The following KIAA1217 variants were observed in gnomAD, a reference collection of about 807,000 sequenced individuals.
KIAA1217 encodes the protein sickle tail protein homolog.
In KIAA1217, 88 loss-of-function variants were observed where a neutral mutation model predicts 163.9. The observed-to-expected ratio is 0.54, with a 90% CI of 0.45 to 0.64. KIAA1217 has a LOEUF of 0.64. KIAA1217 is among the 30% of genes least tolerant of loss of function. KIAA1217 has a pLI of 0.00. For synonymous variants in KIAA1217, 903 were observed against 923.1 expected (o/e 0.98, Z 0.39); for missense variants, 2,372 against 2,475.0 (o/e 0.96, Z 0.88).
In KIAA1217 at chr10:23,764,653, A is replaced by T. The variant is rs567681369; in HGVS notation, c.-321+69419A>T. On this transcript the variant is annotated intron_variant, in intron 1 of 18. Coordinates refer to the KIAA1217 transcript ENST00000376462. ...GATCATGTCCTTTGCAGGGACATGG[A>T]TGAAGCTGGAAGCCATCATCCTCAG... Among the ~76,000 whole-genome samples, 22 of 152,342 alleles carry T rather than the reference A, an allele frequency of 1.4e-4. No homozygotes were observed. In the East Asian group the frequency reaches 4.1e-3, roughly 28 times the overall value.
chr10:24,216,690 G>A (rs377256153), intron 1 of KIAA1217, among the ~76,000 whole-genome samples: 122 of 151,694 alleles, frequency 8.0e-4, no homozygotes, highest in African/African-American at 2.9e-3. Flanking sequence ...AGCCGGGCAT[G>A]GTTGCGCACG....
rs1274131052 is a variant in KIAA1217, at chr10:24,533,338, A to G, written c.3414+101A>G. ...GTTAGCGAGAAGGCCAGGGAAGCGC[A>G]TGGACCGGGACCATAGAAGCTGTGT... On this transcript the variant is annotated intron_variant, in intron 16 of 20. Coordinates refer to ENST00000376454, the MANE Select transcript of KIAA1217 (RefSeq NM_019590.5). 5.1e-6 allele frequency: 6 copies of G among 1,184,582 alleles called. No individual in the cohort carries two copies. In the African/African-American group the frequency reaches 7.7e-5, roughly 15 times the overall value. The allele number at this position is 1,184,582 out of a possible 1,614,324, so 73.4% of individuals were successfully genotyped here. A position where few individuals can be genotyped will look rare whatever the true frequency, so the allele number is the denominator to read the frequency against.
intron 2 of KIAA1217, among the ~76,000 whole-genome samples, chr10:24,369,012 G>A (rs1295545680): frequency 6.6e-6 from 1 of 152,190 alleles, no homozygotes; most frequent in Non-Finnish European, 1.5e-5. Context: ...TGAGTTCATG[G>A]CAGGATTGGA....
intron 2 of KIAA1217, among the ~76,000 whole-genome samples, chr10:24,115,465 C>G (rs150866648): frequency 1.6e-3 from 242 of 152,278 alleles, no homozygotes; most frequent in African/African-American, 5.7e-3. Flanking sequence ...TGTGGGCTGG[C>G]ATTGGGGTAA....
chr10:23,738,077 C>T (rs1483133995), intron 1 of KIAA1217, among the ~76,000 whole-genome samples: 2 of 151,982 alleles, frequency 1.3e-5, no homozygotes, highest in Non-Finnish European at 2.9e-5. Context: ...ACGCATAATA[C>T]TCTGCCTTGT....
intron 2 of KIAA1217, among the ~76,000 whole-genome samples, chr10:24,325,750 G>A (rs1590980037): frequency 6.6e-6 from 1 of 152,170 alleles, no homozygotes; most frequent in African/African-American, 2.4e-5. Flanking sequence ...GGCTTTGCAT[G>A]TGGATCTGTC....
intron 1 of KIAA1217, among the ~76,000 whole-genome samples, chr10:23,789,859 G>A (rs1337347262): frequency 6.7e-6 from 1 of 149,986 alleles, no homozygotes; most frequent in Non-Finnish European, 1.5e-5. Context: ...TTCATTTGGT[G>A]AAAATAGTTC....
At chr10:23,810,242 C>A (rs1393145827) in intron 1 of KIAA1217, among the ~76,000 whole-genome samples, 1 of 150,498 alleles carries the variant, frequency 6.6e-6, no homozygotes, top group Non-Finnish European at 1.5e-5. Flanking sequence ...ACCTACCTAC[C>A]TACCCTCTTT....
At chr10:24,335,439 G>A (rs940607929) in intron 2 of KIAA1217, among the ~76,000 whole-genome samples, 1 of 151,698 alleles carries the variant, frequency 6.6e-6, no homozygotes, top group African/African-American at 2.4e-5. Flanking sequence ...ATTACAGGCA[G>A]GTACCACCAC....
chr10:24,246,766 C>T (rs1412849490), intron 2 of KIAA1217, among the ~76,000 whole-genome samples: 1 of 152,080 alleles, frequency 6.6e-6, no homozygotes. Flanking sequence ...GTCTGTAATC[C>T]CATCTTGGAA....
intron 1 of KIAA1217, among the ~76,000 whole-genome samples, chr10:24,006,939 C>T (rs945375349): frequency 1.3e-5 from 2 of 152,176 alleles, no homozygotes; most frequent in African/African-American, 4.8e-5. Context: ...CCTAAGCCAA[C>T]TCTTATTTTC....
intron 1 of KIAA1217, among the ~76,000 whole-genome samples, chr10:23,913,424 A>C (rs1235188029): frequency 6.6e-6 from 1 of 152,200 alleles, no homozygotes; most frequent in African/African-American, 2.4e-5. Flanking sequence ...CCAAAAAAAA[A>C]AAAGTAAAAG....
rs1161347531 is a variant in KIAA1217, at chr10:24,524,421, A to G, written c.2555A>G (p.Gln852Arg). The change falls in exon 13 of 21, where the codon CAG becomes CGG. Residue 852 changes from glutamine to arginine, a missense_variant. Gln to Arg is a conservative substitution (Grantham distance 43). Coordinates refer to ENST00000376454, the MANE Select transcript of KIAA1217 (RefSeq NM_019590.5). ...KATAAEVLKS[Q>R]EEAAHTSGQP... ...ACAGCCGCAGAAGTCCTGAAGAGTC[A>G]GGAGGAGGCAGCCCACACCTCCGGC... 2 of 1,614,220 alleles carry G rather than the reference A, an allele frequency of 1.2e-6. No homozygotes were observed. Among genetic ancestry groups the G allele is most frequent in the Non-Finnish European group, 1.7e-6 (2 of 1,180,036 alleles).
chr10:24,392,611 G>A (rs2055132989), intron 3 of KIAA1217, among the ~76,000 whole-genome samples: 1 of 152,052 alleles, frequency 6.6e-6, no homozygotes. Flanking sequence ...AGACTTGAAT[G>A]GCAAAAGAGA....
Position 24,330,536 on chromosome 10 carries a change from G to A in KIAA1217, c.355-50333G>A, listed in dbSNP as rs561991522. Among the ~76,000 whole-genome samples, 16 of 152,270 alleles carry A rather than the reference G, an allele frequency of 1.1e-4. No homozygotes were observed. The South Asian group carries it at 3.3e-3, about 32-fold the overall frequency. ...ATAGGCTTCCAGAACATCTAACTAA[G>A]CCATAGACCTTGGAGGTATCAGGGG... is the stretch of plus-strand genomic sequence containing the variant. On this transcript the variant is annotated intron_variant, in intron 2 of 20. Coordinates refer to ENST00000376454, the MANE Select transcript of KIAA1217 (RefSeq NM_019590.5).
At chr10:23,855,675 A>C (rs1014357795) in intron 1 of KIAA1217, among the ~76,000 whole-genome samples, 89 of 152,100 alleles carry the variant, frequency 5.9e-4, no homozygotes, top group African/African-American at 2.0e-3. Context: ...TCGTCTTTTC[A>C]TGTAGTCCCA....
intron 6 of KIAA1217, among the ~76,000 whole-genome samples, chr10:24,484,233 A>G (rs1177560821): frequency 1.2e-5 from 1 of 84,426 alleles, no homozygotes; most frequent in Non-Finnish European, 2.5e-5. Flanking sequence ...ACATATATAT[A>G]TATATATATT....
At chr10:23,702,766 T>G (rs772721922) in intron 1 of KIAA1217, among the ~76,000 whole-genome samples, 16 of 151,968 alleles carry the variant, frequency 1.1e-4, no homozygotes, top group Non-Finnish European at 2.2e-4. Flanking sequence ...ATATAATCAC[T>G]CTACTGAACA....
chr10:23,794,598 T>C (rs1836111142), intron 1 of KIAA1217, among the ~76,000 whole-genome samples: 4 of 152,222 alleles, frequency 2.6e-5, no homozygotes, highest in Admixed American at 6.5e-5. Flanking sequence ...TCATAGATAA[T>C]TCAAGCCTTG....
Sources: allele counts gnomAD v4.1 joint callset (sites outside exome capture counted in the v4.1 genomes callset), GRCh38; gene constraint gnomAD v4.1.1; transcripts MANE v1.5; gene names NCBI Gene and HGNC (gene_info 2026-07-23, HGNC 2026-07-21).